EEPD1: variants seen among roughly 807,000 people sequenced by gnomAD.
EEPD1 encodes endonuclease/exonuclease/phosphatase family domain containing 1.
A neutral mutation model predicts 46.3 loss-of-function variants in EEPD1; 17 were observed. The observed-to-expected ratio is 0.37, with a 90% confidence interval of 0.25 to 0.55. The LOEUF (loss-of-function observed/expected upper bound fraction) is 0.55. Among genes scored for constraint, EEPD1 ranks in the 20% least tolerant of loss-of-function variants. The pLI is 0.83. For synonymous variants in EEPD1, 313 were observed against 315.6 expected, an observed-to-expected ratio of 0.99 and a Z score of 0.09; for missense variants, 673 against 745.6, an observed-to-expected ratio of 0.90 and a Z score of 1.13.
intron 2 of EEPD1, among the ~76,000 whole-genome samples, chr7:36,174,972 G>A (rs1785151303): frequency 6.6e-6 from 1 of 152,224 alleles, no homozygotes; most frequent in South Asian, 2.1e-4. Context: ...TCATGCAGTG[G>A]AAGACGATTT....
intron 2 of EEPD1, among the ~76,000 whole-genome samples, chr7:36,197,046 C>T (rs1292176586): frequency 4.1e-5 from 6 of 148,102 alleles, no homozygotes; most frequent in Admixed American, 6.7e-5. Flanking sequence ...ATGTGAGGAG[C>T]GCCTCGGCCC....
At chr7:36,292,831 T>G (rs1787469759) in intron 6 of EEPD1, among the ~76,000 whole-genome samples, 1 of 152,164 alleles carries the variant, frequency 6.6e-6, no homozygotes. Context: ...TCTGATATTC[T>G]CCTGTGTCAG....
intron 3 of EEPD1, among the ~76,000 whole-genome samples, chr7:36,246,691 G>GT (rs576845299): frequency 3.4e-4 from 51 of 148,634 alleles, no homozygotes; most frequent in Middle Eastern, 3.5e-3. Context: ...GCTGATAGGT[G>GT]TTTTTTTTTT....
intron 3 of EEPD1, 75 bp downstream of exon 3, chr7:36,239,111 T>C: frequency 1.4e-6 from 2 of 1,428,262 alleles, no homozygotes; most frequent in Non-Finnish European, 2.0e-6. Context: ...TTCAACTCCC[T>C]GTCACCAGAG....
At chr7:36,287,511 T>G in intron 5 of EEPD1, 128 bp from the exon 6 acceptor site, 19 of 1,390,890 alleles carry the variant, frequency 1.4e-5, no homozygotes, top group Non-Finnish European at 1.7e-5. Context: ...CCTGGGGGTG[T>G]GAGCCAGCCT....
chr7:36,270,738 T>C (rs1787089807), intron 3 of EEPD1, among the ~76,000 whole-genome samples: 1 of 152,204 alleles, frequency 6.6e-6, no homozygotes, highest in Non-Finnish European at 1.5e-5. Context: ...AAGTCTTTGT[T>C]ACTGTGAATA....
chr7:36,180,934 C>T lies in EEPD1; in HGVS notation c.878+25732C>T, dbSNP rs186047773. Among the ~76,000 whole-genome samples the T allele has an allele frequency of 1.4e-4, 21 of 152,056 alleles. No individual in the cohort carries two copies. In the South Asian group the frequency reaches 4.2e-3, roughly 30 times the overall value. On this transcript the variant is annotated intron_variant, in intron 2 of 7. Coordinates refer to ENST00000242108, the MANE Select transcript of EEPD1 (RefSeq NM_030636.3). The stretch of plus-strand genomic sequence containing the variant: ...TGGCCTCTCACCTCTTCCCTGCTGC[C>T]GGCTCCAGGGTGACCTGGACCACCA...
At chr7:36,243,417 A>G (rs918028) in intron 3 of EEPD1, among the ~76,000 whole-genome samples, 31,858 of 151,886 alleles carry the variant, frequency 0.21, 3,481 homozygotes, top group East Asian at 0.36. Flanking sequence ...TTAAGAAAAT[A>G]GTCTTAATTC....
In EEPD1 at chr7:36,287,790, C is replaced by A; in HGVS notation, c.1315+13C>A. 6.2e-7 allele frequency: 1 copy of A among 1,612,746 alleles called. No homozygotes were observed. Among genetic ancestry groups the A allele is most frequent in the Non-Finnish European group, 8.5e-7 (1 of 1,179,142 alleles). On this transcript the variant is annotated intron_variant, in intron 6 of 7. Transcript: ENST00000242108. ...GAAACCCTGAAAGGTAGGACATTGT[C>A]TTTTGCTGTGACTCGGCCACTGTTT...
chr7:36,254,479 A>C (rs1477461204), intron 3 of EEPD1, among the ~76,000 whole-genome samples: 1 of 152,188 alleles, frequency 6.6e-6, no homozygotes, highest in South Asian at 2.1e-4. Context: ...ATGGCTGCAT[A>C]GTATTCCATG....
intron 2 of EEPD1, among the ~76,000 whole-genome samples, chr7:36,226,255 A>T (rs959466479): frequency 1.4e-4 from 22 of 152,152 alleles, no homozygotes; most frequent in African/African-American, 4.6e-4. Context: ...AATCCTCAAG[A>T]AGTGTTAGTG....
intron 2 of EEPD1, among the ~76,000 whole-genome samples, chr7:36,165,327 T>G (rs1784964798): frequency 1.3e-5 from 2 of 151,372 alleles, no homozygotes; most frequent in Admixed American, 1.3e-4. Context: ...GTTTATAGCC[T>G]AGGAGTAGGC....
intron 3 of EEPD1, among the ~76,000 whole-genome samples, chr7:36,279,012 AT>A (rs1225359008): frequency 2.6e-5 from 4 of 152,232 alleles, no homozygotes; most frequent in Non-Finnish European, 5.9e-5. Flanking sequence ...AGCAGAGAAC[AT>A]ATCTGTATGC....
intron 3 of EEPD1, among the ~76,000 whole-genome samples, chr7:36,277,004 C>T (rs908543435): frequency 5.9e-5 from 9 of 152,230 alleles, no homozygotes; most frequent in Non-Finnish European, 8.8e-5. Context: ...AGTATTATTT[C>T]TTCCTTTTGT....
At chr7:36,177,434 G>A (rs896264776) in intron 2 of EEPD1, among the ~76,000 whole-genome samples, 2 of 152,020 alleles carry the variant, frequency 1.3e-5, no homozygotes, top group African/African-American at 4.8e-5. Flanking sequence ...CTCCCTTCTA[G>A]TAGTCCCCAG....
At chr7:36,206,855 C>T (rs1785828768) in intron 2 of EEPD1, among the ~76,000 whole-genome samples, 1 of 152,028 alleles carries the variant, frequency 6.6e-6, no homozygotes, top group East Asian at 1.9e-4. Flanking sequence ...TTGAGACCAG[C>T]CAGGCCAACA....
At chr7:36,191,967 G>T (rs1189043129) in intron 2 of EEPD1, among the ~76,000 whole-genome samples, 1 of 152,146 alleles carries the variant, frequency 6.6e-6, no homozygotes, top group Non-Finnish European at 1.5e-5. Context: ...AAGATTAGGG[G>T]CTCTTCTTTA....
chr7:36,227,196 T>C (rs1276841106), intron 2 of EEPD1, among the ~76,000 whole-genome samples: 2 of 152,158 alleles, frequency 1.3e-5, no homozygotes, highest in East Asian at 3.9e-4. Flanking sequence ...AAATAGAATA[T>C]ACTGTAATTG....
chr7:36,166,001 G>A (rs1329333807), intron 2 of EEPD1, among the ~76,000 whole-genome samples: 6 of 152,198 alleles, frequency 3.9e-5, no homozygotes, highest in Admixed American at 1.3e-4. Context: ...TACTGTAAAC[G>A]GAGAGGGATT....
Sources: gnomAD v4.1 joint callset for allele counts (sites outside exome capture counted in the v4.1 genomes callset) on GRCh38, gnomAD v4.1.1 for gene constraint, MANE v1.5 for transcripts, NCBI Gene and HGNC (gene_info 2026-07-23, HGNC 2026-07-21) for gene names.